Variants in MTCH2 observed in about 807,000 individuals in gnomAD.
MTCH2 encodes mitochondrial carrier homolog 2.
A neutral mutation model predicts 50.6 loss-of-function variants in MTCH2; 25 were observed. The observed-to-expected ratio is 0.49, with a 90% CI of 0.36 to 0.69. The LOEUF (loss-of-function observed/expected upper bound fraction) is 0.69. Among genes scored for constraint, MTCH2 ranks in the 30% least tolerant of loss-of-function variants. MTCH2 has a pLI of 0.00. For synonymous variants in MTCH2, 106 were observed against 132.0 expected, an observed-to-expected ratio of 0.80 and a Z score of 1.35; for missense variants, 273 against 384.4, an observed-to-expected ratio of 0.71 and a Z score of 2.42.
Position 47,635,048 on chromosome 11 carries a change from C to G in MTCH2, c.307-314G>C, listed in dbSNP as rs377184999. ...TCGGCCTCCCAAAGTGCTGGGATTA[C>G]AGGCATGAGCCACCATGGGCGGCCG... On this transcript the variant is annotated intron_variant, in intron 4 of 12. Transcript: ENST00000302503. Among the ~76,000 whole-genome samples the G allele has an allele frequency of 4.1e-4, 62 of 152,228 alleles. No individual in the cohort carries two copies. The East Asian group carries it at 6.9e-3, about 17-fold the overall frequency.
intron 5 of MTCH2, among the ~76,000 whole-genome samples, chr11:47,632,742 G>A (rs1190829527): frequency 2.7e-5 from 4 of 149,680 alleles, no homozygotes; most frequent in Admixed American, 6.7e-5. Flanking sequence ...TCTGTTGCCC[G>A]GGCTGGAGTG....
At chr11:47,614,568 G>A (rs2097287290), downstream of MTCH2, among the ~76,000 whole-genome samples, 1 of 152,076 alleles carries the variant, frequency 6.6e-6, no homozygotes, top group African/African-American at 2.4e-5. Context: ...CCACGTTGAG[G>A]CAATTCTCCT....
chr11:47,606,257 C>CGGG, the MTCH2 span, among the ~76,000 whole-genome samples: 3 of 152,194 alleles, frequency 2.0e-5, no homozygotes, highest in South Asian at 2.1e-4. Flanking sequence ...TGCTTTTCCT[C>CGGG]GGGGGAGAAA....
chr11:47,633,234 C>A (rs971817093), intron 5 of MTCH2, among the ~76,000 whole-genome samples: 1 of 150,120 alleles, frequency 6.7e-6, no homozygotes, highest in Admixed American at 6.7e-5. Flanking sequence ...CTCAGCCTCC[C>A]GAGTAGCTGG....
Position 47,618,581 on chromosome 11 carries a change from T to C in MTCH2, c.*252A>G, listed in dbSNP as rs528090124. 2.6e-4 allele frequency: 113 copies of C among 433,740 alleles called. 1 individual carries two copies. The South Asian group carries it at 3.2e-3, about 12-fold the overall frequency. 26.9% of individuals were successfully genotyped at this position (433,740 alleles called of 1,614,324 possible). A position where few individuals can be genotyped will look rare whatever the true frequency, so the allele number is the denominator to read the frequency against. Reference sequence around the variant, plus strand: ...AGCTTCAGGAAAATACAACTTTTTTTCCCTTCTGGTTAAGTAAAATAAGAA... The same window carrying C: ...AGCTTCAGGAAAATACAACTTTTTTCCCCTTCTGGTTAAGTAAAATAAGAA... On this transcript the variant is annotated 3_prime_UTR_variant, in exon 13 of 13. Transcript: ENST00000302503.
rs1020509537 is a variant in MTCH2, at chr11:47,632,811, G to A, written c.370-1100C>T. ...CCTCCCAGGTTCAAGTGATTCTCCC[G>A]CCTCAGCCTCCTGAGTAGCTGGGAT... On this transcript the variant is annotated intron_variant, in intron 5 of 12. Coordinates refer to ENST00000302503, the MANE Select transcript of MTCH2 (RefSeq NM_014342.4). 3.9e-5 allele frequency among the ~76,000 whole-genome samples: 6 copies of A among 152,050 alleles called. No individual in the cohort carries two copies. In the Middle Eastern group the frequency reaches 0.014, roughly 345 times the overall value.
At chr11:47,638,885 C>G in intron 2 of MTCH2, 80 bp from the exon 3 acceptor site, 2 of 1,575,676 alleles carry the variant, frequency 1.3e-6, no homozygotes. Context: ...AACAAGCTTT[C>G]TATATATTTT....
Position 47,631,085 on chromosome 11 carries a change from T to C in MTCH2, c.430A>G (p.Ile144Val), listed in dbSNP as rs149770550. Residue 144 changes from isoleucine (I) to valine (V), a missense_variant and splice_region_variant, in exon 7 of 13, where the codon ATC becomes GTC. Around this residue, in one of 2 missense-constraint regions of MTCH2, gnomAD observed 203 missense variants for 244.3 expected, o/e 0.83. Coordinates refer to ENST00000302503, the MANE Select transcript of MTCH2 (RefSeq NM_014342.4). ...ATLITHPFHVITLRSMVQFIG... is the reference protein window; with the variant it reads ...ATLITHPFHVVTLRSMVQFIG... ...AACTGTACCATAGATCTCAGAGTGA[T>C]CACTGTGGAATATAGAGAAAAGATG... 91 of 1,612,442 alleles carry C rather than the reference T, an allele frequency of 5.6e-5. 1 individual carries two copies. In the African/African-American group the frequency reaches 1.0e-3, roughly 18 times the overall value.
rs984341297 is a variant in MTCH2, at chr11:47,619,382, C to T, written c.826-463G>A. ...CTCCTAAGTAGCTGGGAAAGGAACG[C>T]GCCACCGTGCCTGGCTAATTTTTGT... On this transcript the variant is annotated intron_variant, in intron 12 of 12. Transcript: ENST00000302503. Among the ~76,000 whole-genome samples the T allele has an allele frequency of 3.3e-5, 5 of 151,918 alleles. No individual in the cohort carries two copies. In the East Asian group the frequency reaches 5.8e-4, roughly 18 times the overall value.
At chr11:47,627,447 T>C (rs1334721593) in intron 9 of MTCH2, among the ~76,000 whole-genome samples, 5 of 151,332 alleles carry the variant, frequency 3.3e-5, no homozygotes, top group South Asian at 2.1e-4. Context: ...TAAGCCACTA[T>C]GCCCAGCTAA....
chr11:47,618,981 A>C (rs2097290730), intron 12 of MTCH2, 62 bp from the exon 13 acceptor site: 1 of 1,477,564 alleles, frequency 6.8e-7, no homozygotes, highest in Admixed American at 1.7e-5. Flanking sequence ...AGCCAATCCA[A>C]ATCAGCAGAG....
intron 5 of MTCH2, among the ~76,000 whole-genome samples, chr11:47,633,524 A>ATTTT (rs1199068244): frequency 1.8e-5 from 1 of 55,306 alleles, no homozygotes. Context: ...ATATATATAT[A>ATTTT]TATTTTTTTT....
chr11:47,629,792 A>C (rs1256128738), intron 8 of MTCH2, among the ~76,000 whole-genome samples: 3 of 151,910 alleles, frequency 2.0e-5, no homozygotes, highest in Admixed American at 1.3e-4. Flanking sequence ...GTAATGATGC[A>C]AAATTTTTCC....
Position 47,642,418 on chromosome 11 carries a change from G to C in MTCH2, c.48C>G (p.Ile16Met), listed in dbSNP as rs1193730379. 6 of 1,609,702 alleles carry C rather than the reference G, an allele frequency of 3.7e-6. No individual in the cohort carries two copies. Among genetic ancestry groups the C allele is most frequent in the Non-Finnish European group, 5.1e-6 (6 of 1,178,412 alleles). ...TCACGTACATGAGCGGCTGGGACAG[G>C]ATGGTGAGACCGGAGCCCAGGAGCA... The part of the protein sequence containing the change: ...SQVLLGSGLT[I>M]LSQPLMYVKV... The change falls in exon 1 of 13, where the codon ATC becomes ATG. Residue 16 changes from isoleucine to methionine, a missense_variant. Ile to Met is a conservative substitution (Grantham distance 10). Transcript: ENST00000302503.
At chr11:47,638,238 T>A (rs528646408) in intron 3 of MTCH2, among the ~76,000 whole-genome samples, 2 of 133,022 alleles carry the variant, frequency 1.5e-5, no homozygotes, top group South Asian at 5.1e-4. Context: ...CCTTTCCATA[T>A]GTAAATTTCA....
chr11:47,622,608 G>C (rs886820755), intron 12 of MTCH2, 93 bp downstream of exon 12: 32 of 990,062 alleles, frequency 3.2e-5, no homozygotes, highest in Non-Finnish European at 4.8e-5. Context: ...TGAGCTACAA[G>C]AGTTAACTTG....
In MTCH2 at chr11:47,631,043, T is replaced by C; in HGVS notation, c.472A>G (p.Lys158Glu). Residue 158 changes from lysine to glutamate, a missense_variant, in exon 7 of 13, where the codon AAG becomes GAG. Lys to Glu is a moderately conservative substitution (Grantham distance 56, BLOSUM62 1). Transcript: ENST00000302503. ...SMVQFIGRES[K>E]YCGLCDSIIT... ...GAAAACAAAAATACTTACCAGTACT[T>C]GGATTCTCTGCCAATGAACTGTACC... 1 of 1,611,838 alleles carries C rather than the reference T, an allele frequency of 6.2e-7. No individual in the cohort carries two copies. Among genetic ancestry groups the C allele is most frequent in the East Asian group, 2.2e-5 (1 of 44,864 alleles).
rs530710316 is a variant in MTCH2 at position 47,629,033 on chromosome 11, G to A, written c.553C>T (p.Arg185Cys). The change falls in exon 9 of 13, where the codon CGC becomes TGC. Residue 185 changes from arginine (R) to cysteine (C), a missense_variant. Arg to Cys is a radical substitution (Grantham distance 180). This residue lies in a region of MTCH2 where 203 missense variants were observed against 244.3 expected (regional missense o/e 0.83). Coordinates refer to ENST00000302503, the MANE Select transcript of MTCH2 (RefSeq NM_014342.4). ...ILGFFAGLVPRLLGDILSLWL... is the reference protein window; with the variant it reads ...ILGFFAGLVPCLLGDILSLWL... ...AAAGAAAGGATGTCACCTAGAAGGC[G>A]AGGAACAAGACCCCTACATGAAGAA... The A allele has an allele frequency of 6.2e-6, 10 of 1,613,528 alleles. No individual in the cohort carries two copies. The highest frequency in any genetic ancestry group is 2.2e-5 in the South Asian group (2 of 91,022).
intron 5 of MTCH2, among the ~76,000 whole-genome samples, chr11:47,633,268 C>A (rs2097304930): frequency 6.6e-6 from 1 of 150,470 alleles, no homozygotes; most frequent in Non-Finnish European, 1.5e-5. Flanking sequence ...TGCCACCATG[C>A]CCAGCTAATT....
Sources: gnomAD v4.1 joint callset for allele counts (sites outside exome capture counted in the v4.1 genomes callset) on GRCh38, gnomAD v4.1.1 for gene constraint, gnomAD v4.1.1 regional missense constraint, MANE v1.5 for transcripts, NCBI Gene and HGNC (gene_info 2026-07-23, HGNC 2026-07-21) for gene names.